CROCC: variants seen among roughly 807,000 people sequenced by gnomAD.
CROCC encodes ciliary rootlet coiled-coil, rootletin.
CROCC carries 180 observed loss-of-function variants against 245.2 expected under a neutral mutation model. The observed-to-expected ratio is 0.73, with a 90% confidence interval of 0.65 to 0.83. CROCC has a LOEUF of 0.83. Among genes scored for constraint, CROCC ranks in the 40% least tolerant of loss-of-function variants. The pLI is 0.00. For missense variants in CROCC, 2,688 were observed against 2,779.4 expected, an observed-to-expected ratio of 0.97 and a Z score of 0.74; for synonymous variants, 1,205 against 1,241.6, an observed-to-expected ratio of 0.97 and a Z score of 0.62.
intron 23 of CROCC, 74 bp from the exon 24 acceptor site, chr1:16,955,238 G>A: frequency 1.4e-6 from 2 of 1,458,706 alleles, no homozygotes; most frequent in Non-Finnish European, 1.9e-6. Context: ...TGGGTCCAGG[G>A]ATCTGGGGTA....
At chr1:16,961,279 C>T (rs998728096) in intron 27 of CROCC, 149 bp downstream of exon 27, 8 of 786,112 alleles carry the variant, frequency 1.0e-5, no homozygotes, top group Admixed American at 4.6e-5. Context: ...TTCTTAGCCC[C>T]GTCCCCTCAC....
chr1:16,930,109 GC>G lies in CROCC; in HGVS notation c.538-14del. 10 of 1,584,680 alleles carry G rather than the reference GC, an allele frequency of 6.3e-6. No individual in the cohort carries two copies. The highest frequency in any genetic ancestry group is 8.6e-6 in the Non-Finnish European group (10 of 1,166,642). On this transcript the variant is annotated splice_polypyrimidine_tract_variant and intron_variant, in intron 4 of 36. Coordinates refer to ENST00000375541, the MANE Select transcript of CROCC (RefSeq NM_014675.5). ...CCCCAACCCCTGGGGCTCACCATCAGCTCCCCATCCCCAGATTCTCCAGTAC... is the reference window on the plus strand; with the variant it reads ...CCCCAACCCCTGGGGCTCACCATCAGTCCCCATCCCCAGATTCTCCAGTAC...
At chr1:16,929,650 G>A (rs1247531547) in intron 3 of CROCC, among the ~76,000 whole-genome samples, 196 bp from the exon 4 acceptor site, 5 of 152,264 alleles carry the variant, frequency 3.3e-5, no homozygotes, top group Admixed American at 6.5e-5. Flanking sequence ...CCCCGTCTGC[G>A]TGCCCGTGCA....
rs1013207937 is a variant in CROCC at position 16,972,428 on chromosome 1, C to T, written c.6036C>T (p.Ser2012=). 2.7e-5 allele frequency: 44 copies of T among 1,612,674 alleles called. No individual in the cohort carries two copies. Among genetic ancestry groups the T allele is most frequent in the Middle Eastern group, 1.6e-4 (1 of 6,078 alleles). The change falls in exon 37 of 37, where the codon TCC becomes TCT. Residue 2012 remains serine, a synonymous_variant. Transcript: ENST00000375541. ...RRSSAPFSPP[S]GPPEK ...GCTCAGCACCCTTCTCCCCACCCTC[C>T]GGCCCCCCAGAGAAATGAGCTCCTG...
At chr1:16,934,962 C>G (rs754679119) in intron 8 of CROCC, among the ~76,000 whole-genome samples, 2 of 150,128 alleles carry the variant, frequency 1.3e-5, no homozygotes, top group Non-Finnish European at 2.9e-5. Flanking sequence ...TGCAGTGGCA[C>G]GATCTTGGCT....
intron 3 of CROCC, among the ~76,000 whole-genome samples, chr1:16,925,306 GTTTCACA>G (rs2075509958): frequency 6.6e-6 from 1 of 152,272 alleles, no homozygotes; most frequent in African/African-American, 2.4e-5. Context: ...CGTGCTGAGT[GTTTCACA>G]TTTAATACAC....
At chr1:16,934,839 C>CT (rs1553153432) in intron 8 of CROCC, among the ~76,000 whole-genome samples, 1 of 140,754 alleles carries the variant, frequency 7.1e-6, no homozygotes, top group South Asian at 2.3e-4. Flanking sequence ...GCTTCTTCTT[C>CT]TTCTTTTTTT....
Position 16,966,002 on chromosome 1 carries a change from G to A in CROCC, c.4579G>A (p.Glu1527Lys), listed in dbSNP as rs769419747. Residue 1527 changes from glutamate to lysine, a missense_variant, in exon 29 of 37, where the codon GAA becomes AAA. Transcript: ENST00000375541. The surrounding 1 kb of genome is among the most constrained non-coding windows in gnomAD (Gnocchi z 4.8). The part of the protein sequence containing the change: ...ELRSAQRERD[E>K]LRTQTSALNR... ...TTCCCCCATGTCGGGGCTACAGGAC[G>A]AACTTCGGACCCAGACCAGTGCCCT... The A allele has an allele frequency of 8.7e-6, 14 of 1,612,218 alleles. No individual in the cohort carries two copies. Among genetic ancestry groups the A allele is most frequent in the East Asian group, 2.2e-5 (1 of 44,824 alleles).
chr1:16,939,843 C>T (rs773369266), intron 12 of CROCC, 51 bp from the exon 13 acceptor site: 2 of 1,588,006 alleles, frequency 1.3e-6, no homozygotes, highest in East Asian at 2.2e-5. Flanking sequence ...GAGTAGGTGG[C>T]TCTGGAGGCC....
At chr1:16,957,310 G>A (rs544902429) in intron 25 of CROCC, among the ~76,000 whole-genome samples, 42 of 152,284 alleles carry the variant, frequency 2.8e-4, no homozygotes, top group African/African-American at 9.6e-4. Flanking sequence ...GGGAGGCTGA[G>A]GTGGGAGTAT....
At chr1:16,931,060 T>G (rs544116904) in intron 7 of CROCC, among the ~76,000 whole-genome samples, 1 of 152,416 alleles carries the variant, frequency 6.6e-6, no homozygotes, top group African/African-American at 2.4e-5. Context: ...CCTTCGTTGC[T>G]GCCTCTTGCA....
intron 35 of CROCC, 22 bp from the exon 36 acceptor site, chr1:16,971,443 G>A (rs749158137): frequency 4.2e-5 from 64 of 1,524,502 alleles, no homozygotes; most frequent in Non-Finnish European, 5.0e-5. Context: ...GCCAGAACGC[G>A]GACCACAGCC....
At chr1:16,964,519 G>C (rs6686037) in intron 27 of CROCC, among the ~76,000 whole-genome samples, 8,537 of 152,142 alleles carry the variant, frequency 0.056, 321 homozygotes, top group African/African-American at 0.09. Context: ...CTCCTGAGTA[G>C]CTGGGATTAC....
rs372750456 is a variant in CROCC at position 16,930,316 on chromosome 1, G to T, written c.652G>T (p.Ala218Ser). ...DTEHSQDLES[A>S]LIRLEEEQQR... is the part of the protein sequence containing the mutation. ...AGAGCACAGCCAAGACCTGGAAAGCGCCCTCATCCGGCTGGAGGAGGAGCA... is the reference window on the plus strand; with the variant it reads ...AGAGCACAGCCAAGACCTGGAAAGCTCCCTCATCCGGCTGGAGGAGGAGCA... Residue 218 changes from alanine to serine, a missense_variant, in exon 6 of 37, where the codon GCC (alanine) becomes TCC (serine). Ala to Ser is a moderately conservative substitution (Grantham distance 99). Transcript: ENST00000375541. 23 of 1,608,436 alleles carry T rather than the reference G, an allele frequency of 1.4e-5. No individual in the cohort carries two copies. Among genetic ancestry groups the T allele is most frequent in the Non-Finnish European group, 1.4e-5 (16 of 1,178,232 alleles).
rs963826423 is a variant in CROCC, at chr1:16,946,757, C to G, written c.2284-4C>G. 2 of 1,551,198 alleles carry G rather than the reference C, an allele frequency of 1.3e-6. No homozygotes were observed. Among genetic ancestry groups the G allele is most frequent in the East Asian group, 4.9e-5 (2 of 40,932 alleles). On this transcript the variant is annotated splice_polypyrimidine_tract_variant and splice_region_variant and intron_variant, in intron 16 of 36. Coordinates refer to ENST00000375541, the MANE Select transcript of CROCC (RefSeq NM_014675.5). ...ACGAGGCCCCACTCCTACCTGGCCT[C>G]CAGCTGGAGGAAGAAAAGTCCGCCC...
chr1:16,940,975 T>A (rs1214066983), intron 13 of CROCC: 1 of 356,450 alleles, frequency 2.8e-6, no homozygotes, highest in African/African-American at 2.2e-5. Flanking sequence ...CCTCCCTGGG[T>A]TCCTGGGCAA....
rs762069551 is a variant in CROCC, at chr1:16,944,209, C to G, written c.1918C>G (p.Arg640Gly). ...QAAQEELRRQ[R>G]DRLEEEQEDA... is the part of the protein sequence containing the mutation. Reference sequence around the variant, plus strand: ...TGCCCAGGAGGAGCTGCGGCGCCAGCGGGACCGGCTGGAGGAAGAGCAGGA... The same window carrying G: ...TGCCCAGGAGGAGCTGCGGCGCCAGGGGGACCGGCTGGAGGAAGAGCAGGA... The change falls in exon 14 of 37, where the codon CGG becomes GGG. Residue 640 changes from arginine to glycine, a missense_variant. By Grantham distance (125) the Arg-to-Gly change is moderately radical. Coordinates refer to ENST00000375541, the MANE Select transcript of CROCC (RefSeq NM_014675.5). 6.4e-7 allele frequency: 1 copy of G among 1,555,390 alleles called. No individual in the cohort carries two copies. The highest frequency in any genetic ancestry group is 8.7e-7 in the Non-Finnish European group (1 of 1,149,410).
Position 16,939,997 on chromosome 1 carries a change from A to C in CROCC, c.1712A>C (p.Gln571Pro). 1 of 1,612,176 alleles carries C rather than the reference A, an allele frequency of 6.2e-7. No individual in the cohort carries two copies. Among genetic ancestry groups the C allele is most frequent in the Non-Finnish European group, 8.5e-7 (1 of 1,179,704 alleles). The change falls in exon 13 of 37, where the codon CAG becomes CCG. Residue 571 changes from glutamine to proline, a missense_variant. Around this residue, in one of 9 missense-constraint regions of CROCC, gnomAD observed 972 missense variants for 895.3 expected, o/e 1.09. Transcript: ENST00000375541. ...CGGCGGGCCCTAGAGGAACAGCTGC[A>C]GCGCCTGCGGGACAAGACCGACGGC... The part of the protein sequence containing the change: ...SERRALEEQL[Q>P]RLRDKTDGAM...
intron 27 of CROCC, among the ~76,000 whole-genome samples, chr1:16,965,007 G>A (rs191905976): frequency 1.7e-3 from 261 of 152,206 alleles, no homozygotes; most frequent in Non-Finnish European, 2.7e-3. Context: ...GTAGAGACGG[G>A]GTTTTACCAT....
Sources: gnomAD v4.1 joint callset for allele counts (sites outside exome capture counted in the v4.1 genomes callset) on GRCh38, gnomAD v4.1.1 for gene constraint, gnomAD v4.1.1 regional missense constraint, Gnocchi (gnomAD v3.1) non-coding constraint, MANE v1.5 for transcripts, NCBI Gene and HGNC (gene_info 2026-07-23, HGNC 2026-07-21) for gene names.